The following DCLK1 variants were observed in gnomAD, a reference collection of about 807,000 sequenced individuals.
DCLK1 encodes doublecortin like kinase 1.
In DCLK1, 16 loss-of-function variants were observed where a neutral mutation model predicts 86.2. That is an observed-to-expected ratio of 0.19 (90% confidence interval 0.13 to 0.28). The LOEUF (loss-of-function observed/expected upper bound fraction) is 0.28, where lower values mean the gene tolerates loss of function less well. Among genes scored for constraint, DCLK1 ranks in the 10% least tolerant of loss-of-function variants. The probability of loss-of-function intolerance (pLI) is 1.00; values close to 1 mark genes in which losing one functional copy is unlikely to be tolerated. For missense variants in DCLK1, 590 were observed against 940.2 expected (o/e 0.63, Z 4.87); for synonymous variants, 369 against 370.5 (o/e 1.00, Z 0.05).
intron 5 of DCLK1, among the ~76,000 whole-genome samples, chr13:35,857,735 C>A (rs918403016): frequency 6.6e-6 from 1 of 152,230 alleles, no homozygotes; most frequent in African/African-American, 2.4e-5. Flanking sequence ...CTACGCCCTT[C>A]ACAGAGGGCA....
At chr13:35,840,381 G>T (rs572818294) in intron 6 of DCLK1, among the ~76,000 whole-genome samples, 2 of 152,192 alleles carry the variant, frequency 1.3e-5, no homozygotes, top group African/African-American at 4.8e-5. Flanking sequence ...AGTCACTGCA[G>T]AGCCATCTAA....
At chr13:36,120,274 G>T (rs1885939018) in intron 2 of DCLK1, among the ~76,000 whole-genome samples, 1 of 152,048 alleles carries the variant, frequency 6.6e-6, no homozygotes, top group Admixed American at 6.6e-5. Context: ...CACAATAAAT[G>T]AAGTCACTAA....
intron 3 of DCLK1, among the ~76,000 whole-genome samples, chr13:36,061,092 T>C (rs1883527770): frequency 6.6e-6 from 1 of 152,060 alleles, no homozygotes; most frequent in African/African-American, 2.4e-5. Context: ...AGGAAGCATG[T>C]GGTGATGGCG....
At chr13:35,880,500 T>C (rs1872824613) in intron 4 of DCLK1, among the ~76,000 whole-genome samples, 1 of 152,190 alleles carries the variant, frequency 6.6e-6, no homozygotes, top group Admixed American at 6.5e-5. Flanking sequence ...GCAAGTACGA[T>C]GCAAGAGATT....
chr13:35,880,427 A>T (rs1872820333), intron 4 of DCLK1, among the ~76,000 whole-genome samples: 1 of 151,984 alleles, frequency 6.6e-6, no homozygotes, highest in African/African-American at 2.4e-5. Context: ...GTACCACTTG[A>T]CCCCTACAAT....
intron 3 of DCLK1, among the ~76,000 whole-genome samples, chr13:35,983,731 T>C (rs1879771317): frequency 1.3e-5 from 2 of 152,236 alleles, no homozygotes; most frequent in Non-Finnish European, 2.9e-5. Flanking sequence ...CATAAATGCA[T>C]ACACCTACTG....
At chr13:35,975,136 A>G (rs1372055892) in intron 3 of DCLK1, among the ~76,000 whole-genome samples, 1 of 152,186 alleles carries the variant, frequency 6.6e-6, no homozygotes, top group Non-Finnish European at 1.5e-5. Flanking sequence ...ACACCAATCC[A>G]TCCATGCTGC....
In DCLK1 at chr13:35,819,072, A is replaced by G. The variant is rs147559293; in HGVS notation, c.1554+3657T>C. 7.2e-4 allele frequency among the ~76,000 whole-genome samples: 110 copies of G among 151,918 alleles called. 1 individual carries two copies. Among genetic ancestry groups the G allele is most frequent in the African/African-American group, 2.6e-3 (107 of 41,432 alleles). On this transcript the variant is annotated intron_variant, in intron 11 of 16. Transcript: ENST00000360631. ...TATCACTCATTCACTCACTCACTCC[A>G]CTCATCCACTCTGACGTCCACCTGT...
chr13:36,082,099 A>AT, intron 3 of DCLK1, among the ~76,000 whole-genome samples: 1 of 152,054 alleles, frequency 6.6e-6, no homozygotes, highest in Non-Finnish European at 1.5e-5. Flanking sequence ...TTATACGCAG[A>AT]TTTTTTTCAA....
intron 3 of DCLK1, among the ~76,000 whole-genome samples, chr13:36,076,486 T>C (rs995132122): frequency 6.6e-6 from 1 of 152,228 alleles, no homozygotes; most frequent in South Asian, 2.1e-4. Flanking sequence ...CTGATTGAGC[T>C]TGAGTTCTCC....
rs1566620270 is a variant in DCLK1, at chr13:35,958,040, C to CACCATCACCACTATAACCACCACT, written c.724-10584_724-10583insAGTGGTGGTTATAGTGGTGATGGT. On this transcript the variant is annotated intron_variant, in intron 3 of 16. Transcript: ENST00000360631. ...CATCACACACCACAACTACCACCAC[C>CACCATCACCACTATAACCACCACT]ACCACCATCACCACTATAACCACTA... 3.5e-4 allele frequency among the ~76,000 whole-genome samples: 8 copies of CACCATCACCACTATAACCACCACT among 22,704 alleles called. No homozygotes were observed. In the South Asian group the frequency reaches 7.6e-3, roughly 22 times the overall value. The allele number at this position is 22,704 out of a possible 152,430, so 14.9% of individuals were successfully genotyped here.
At chr13:36,001,035 G>A (rs1000649761) in intron 3 of DCLK1, among the ~76,000 whole-genome samples, 17 of 150,646 alleles carry the variant, frequency 1.1e-4, no homozygotes, top group African/African-American at 3.4e-4. Context: ...CACAACATCC[G>A]CCTCCCAGGT....
At chr13:35,776,349 G>T (rs1191984240) in intron 16 of DCLK1, among the ~76,000 whole-genome samples, 1 of 152,168 alleles carries the variant, frequency 6.6e-6, no homozygotes, top group Non-Finnish European at 1.5e-5. Flanking sequence ...TACATAAAAA[G>T]CATTTTGTAG....
At position 35,769,417 on chromosome 13, in the gene DCLK1, T is replaced by G. The variant is rs760364614; in HGVS notation, c.*5118A>C. The G allele has an allele frequency of 2.0e-5, 3 of 152,226 alleles. No homozygotes were observed. Among genetic ancestry groups the G allele is most frequent in the Non-Finnish European group, 4.4e-5 (3 of 68,038 alleles). 9.4% of individuals were successfully genotyped at this position (152,226 alleles called of 1,614,324 possible). A position where few individuals can be genotyped will look rare whatever the true frequency, so the allele number is the denominator to read the frequency against. On this transcript the variant is annotated 3_prime_UTR_variant, in exon 17 of 17. Transcript: ENST00000360631. ...CACTCAACTAATCCTTTAATAATTTTCTTTCAGCCAGAATGAAAAAGGCTA... is the reference window on the plus strand; with the variant it reads ...CACTCAACTAATCCTTTAATAATTTGCTTTCAGCCAGAATGAAAAAGGCTA...
Position 35,890,565 on chromosome 13 carries a change from T to C in DCLK1, c.824-19225A>G, listed in dbSNP as rs370181169. 3.3e-4 allele frequency among the ~76,000 whole-genome samples: 51 copies of C among 152,272 alleles called. 2 individuals are homozygous for C. The East Asian group carries it at 5.0e-3, about 15-fold the overall frequency. On this transcript the variant is annotated intron_variant, in intron 4 of 16. Coordinates refer to ENST00000360631, the MANE Select transcript of DCLK1 (RefSeq NM_001330071.2). ...CTGCAGTAAACCTTATAAAATACTT[T>C]GGTATATTTGTGCACAAAATTTCTA...
intron 3 of DCLK1, among the ~76,000 whole-genome samples, chr13:36,007,104 T>C (rs80121171): frequency 1.6e-3 from 242 of 152,214 alleles, no homozygotes; most frequent in African/African-American, 5.6e-3. Context: ...GCAAGGCTCA[T>C]TGGTCAACTC....
intron 1 of DCLK1, among the ~76,000 whole-genome samples, chr13:36,128,465 C>T (rs1886262943): frequency 6.6e-6 from 1 of 152,042 alleles, no homozygotes; most frequent in South Asian, 2.1e-4. Flanking sequence ...TTTTGTAAGC[C>T]CTCACTCCTA....
intron 3 of DCLK1, among the ~76,000 whole-genome samples, chr13:36,032,738 G>A (rs144766413): frequency 0.016 from 2,406 of 152,298 alleles, 36 homozygotes; most frequent in Middle Eastern, 0.048. Flanking sequence ...GGGAGCGGCC[G>A]TCGATGCCCT....
At chr13:36,079,586 C>T (rs779810215) in intron 3 of DCLK1, among the ~76,000 whole-genome samples, 6 of 151,976 alleles carry the variant, frequency 3.9e-5, no homozygotes, top group African/African-American at 9.7e-5. Flanking sequence ...GAGCCAAGTT[C>T]GCGCCATTGC....
Sources: allele counts gnomAD v4.1 joint callset (sites outside exome capture counted in the v4.1 genomes callset), GRCh38; gene constraint gnomAD v4.1.1; transcripts MANE v1.5; gene names NCBI Gene and HGNC (gene_info 2026-07-23, HGNC 2026-07-21).